CIT: variants seen among roughly 807,000 people sequenced by gnomAD.
The protein encoded by CIT is citron rho-interacting serine/threonine kinase.
In CIT, 79 loss-of-function variants were observed where a neutral mutation model predicts 272.7. The observed-to-expected ratio is 0.29, with a 90% CI of 0.24 to 0.35. The LOEUF (loss-of-function observed/expected upper bound fraction) is 0.35, where lower values mean the gene tolerates loss of function less well. Ranked by LOEUF, CIT falls within the 10% of genes least tolerant of loss-of-function variation. The pLI is 1.00. For synonymous variants in CIT, 948 were observed against 995.6 expected (o/e 0.95, Z 0.90); for missense variants, 1,909 against 2,618.3 (o/e 0.73, Z 5.91).
chr12:119,739,858 T>G (rs972092226), intron 24 of CIT, among the ~76,000 whole-genome samples: 1 of 152,132 alleles, frequency 6.6e-6, no homozygotes, highest in African/African-American at 2.4e-5. Flanking sequence ...AACCAGCAGC[T>G]CTCTCTCTTC....
chr12:119,868,980 C>G lies in CIT; in HGVS notation c.238+80G>C. On this transcript the variant is annotated intron_variant, in intron 3 of 47. Coordinates refer to ENST00000392521, the MANE Select transcript of CIT (RefSeq NM_001206999.2). ...AGAGTTCTTACCGACTACTATCAAC[C>G]AGTAACTCATTCTGCCTCAAGCATC... 7.2e-6 allele frequency: 11 copies of G among 1,528,366 alleles called. No individual in the cohort carries two copies. In the South Asian group the frequency reaches 9.3e-5, roughly 13 times the overall value. The allele number at this position is 1,528,366 out of a possible 1,614,324, so 94.7% of individuals were successfully genotyped here. A position where few individuals can be genotyped will look rare whatever the true frequency, so the allele number is the denominator to read the frequency against.
intron 4 of CIT, among the ~76,000 whole-genome samples, chr12:119,853,935 C>T (rs1282042760): frequency 6.6e-6 from 1 of 152,004 alleles, no homozygotes; most frequent in Non-Finnish European, 1.5e-5. Context: ...GCCTGTAATC[C>T]CAACACTTTG....
intron 41 of CIT, among the ~76,000 whole-genome samples, chr12:119,703,749 A>G (rs1308858128): frequency 1.3e-5 from 2 of 152,104 alleles, no homozygotes; most frequent in Non-Finnish European, 2.9e-5. Context: ...GAGACTAATC[A>G]TGAAAGCACC....
intron 9 of CIT, among the ~76,000 whole-genome samples, chr12:119,806,747 C>T (rs1966635844): frequency 6.6e-6 from 1 of 151,818 alleles, no homozygotes; most frequent in Non-Finnish European, 1.5e-5. Context: ...ATTAGCCCTC[C>T]AAAAACTGCA....
At chr12:119,704,041 C>T (rs1254105333) in intron 41 of CIT, among the ~76,000 whole-genome samples, 1 of 152,132 alleles carries the variant, frequency 6.6e-6, no homozygotes, top group African/African-American at 2.4e-5. Context: ...GAAAGAGCCC[C>T]CCCTTTTTTT....
At chr12:119,803,063 A>G (rs986665889) in intron 10 of CIT, 143 bp downstream of exon 10, 5 of 577,792 alleles carry the variant, frequency 8.7e-6, no homozygotes, top group Admixed American at 7.2e-5. Flanking sequence ...CCTAACAGGT[A>G]GACTGCTTTC....
At chr12:119,825,141 C>T (rs766226739) in intron 8 of CIT, 24 bp downstream of exon 8, 7 of 1,595,886 alleles carry the variant, frequency 4.4e-6, no homozygotes, top group East Asian at 2.2e-5. Context: ...AATGTGACTT[C>T]GAAATCTTCT....
rs372155988 is a variant in CIT at position 119,697,195 on chromosome 12, C to T, written c.5882+464G>A. Among the ~76,000 whole-genome samples the T allele has an allele frequency of 5.3e-5, 8 of 152,070 alleles. No individual in the cohort carries two copies. The East Asian group carries it at 5.8e-4, about 11-fold the overall frequency. ...GATGGGAAATCCTCCCTCACCTCCA[C>T]GTCCAGGCTTTCAACCACCCCACCA... is the stretch of plus-strand genomic sequence containing the variant. On this transcript the variant is annotated intron_variant, in intron 46 of 47. Coordinates refer to ENST00000392521, the MANE Select transcript of CIT (RefSeq NM_001206999.2). This position sits in a 1 kb window ranked among gnomAD's most constrained non-coding sequence, Gnocchi z 4.9.
Position 119,688,065 on chromosome 12 carries a change from C to T in CIT, c.*167G>A. 1 of 705,392 alleles carries T rather than the reference C, an allele frequency of 1.4e-6. No homozygotes were observed. The allele number at this position is 705,392 out of a possible 1,614,324, so 43.7% of individuals were successfully genotyped here. On this transcript the variant is annotated 3_prime_UTR_variant, in exon 48 of 48. Transcript: ENST00000392521. ...GACAGCTCCGAAGAGCCTCAGCCAC[C>T]TGCCCCTCCTGGAGACAGGGGTGTC... is the stretch of plus-strand genomic sequence containing the variant.
intron 1 of CIT, among the ~76,000 whole-genome samples, chr12:119,876,603 T>A (rs1302824863): frequency 6.6e-6 from 1 of 151,918 alleles, no homozygotes; most frequent in Non-Finnish European, 1.5e-5. Context: ...AAAAGGACAA[T>A]GGGGGTGAGA....
At chr12:119,782,797 T>C in intron 12 of CIT, 160 bp from the exon 13 acceptor site, 1 of 776,962 alleles carries the variant, frequency 1.3e-6, no homozygotes, top group Non-Finnish European at 2.0e-6. Flanking sequence ...CCGGTTTCCA[T>C]CCTGTAAAAC....
rs199952237 is a variant in CIT at position 119,706,602 on chromosome 12, T to TG, written c.5211+1576dup. ...TGGCCTACAGCTCCATCCATGTTCC[T>TG]GCAAAGGACATGATCTCATTCTTTT... On this transcript the variant is annotated intron_variant, in intron 40 of 47. Transcript: ENST00000392521. 7.9e-3 allele frequency among the ~76,000 whole-genome samples: 1,198 copies of TG among 152,362 alleles called. 17 individuals are homozygous for TG. The highest frequency in any genetic ancestry group is 0.027 in the African/African-American group (1,138 of 41,580).
In CIT at chr12:119,803,242, GA is replaced by G; in HGVS notation, c.1258del (p.Ser420ArgfsTer53). On this transcript the variant is annotated frameshift_variant, in exon 10 of 48. Coordinates refer to ENST00000392521, the MANE Select transcript of CIT (RefSeq NM_001206999.2). LOFTEE classifies it high-confidence loss of function. Reference protein sequence around the residue: ...SGEELPFVGFSYSKALGILGR... With the variant: ...SGEELPFVGFXYSKALGILGR... Reference sequence around the variant, plus strand: ...AAGAATCCCCAGTGCCTTGCTGTACGAAAACCCCACAAACGGCAGTTCTTCA... The same window carrying G: ...AAGAATCCCCAGTGCCTTGCTGTACGAAACCCCACAAACGGCAGTTCTTCA... The G allele has an allele frequency of 6.3e-7, 1 of 1,597,294 alleles. No homozygotes were observed. The highest frequency in any genetic ancestry group is 8.5e-7 in the Non-Finnish European group (1 of 1,173,836).
chr12:119,692,426 G>C (rs553833911), intron 46 of CIT, among the ~76,000 whole-genome samples: 5 of 152,320 alleles, frequency 3.3e-5, no homozygotes, highest in African/African-American at 9.6e-5. Context: ...TGGTCTAACT[G>C]TATCAGAACC....
intron 5 of CIT, among the ~76,000 whole-genome samples, chr12:119,837,391 A>G (rs1427407045): frequency 1.3e-5 from 2 of 152,228 alleles, no homozygotes; most frequent in African/African-American, 4.8e-5. Context: ...AAGACCCAGG[A>G]CTTGAGTGCT....
chr12:119,706,236 A>C (rs1323092893), intron 40 of CIT, among the ~76,000 whole-genome samples: 2 of 152,188 alleles, frequency 1.3e-5, no homozygotes, highest in Admixed American at 1.3e-4. Flanking sequence ...AGACTTAATT[A>C]AAGTTATACA....
At chr12:119,841,084 C>T (rs1483250409) in intron 5 of CIT, among the ~76,000 whole-genome samples, 1 of 152,128 alleles carries the variant, frequency 6.6e-6, no homozygotes, top group Middle Eastern at 3.2e-3. Context: ...AAGTATAATG[C>T]CTTGAGTAAG....
chr12:119,868,489 C>T lies in CIT; in HGVS notation c.238+571G>A, dbSNP rs559458991. On this transcript the variant is annotated intron_variant, in intron 3 of 47. Transcript: ENST00000392521. ...TTGAGGTCTCTGGAACTAGCTATGC[C>T]TAAAGCTAAAACTTAACTCATTCCT... 1.1e-4 allele frequency among the ~76,000 whole-genome samples: 16 copies of T among 152,254 alleles called. No homozygotes were observed. In the South Asian group the frequency reaches 2.5e-3, roughly 24 times the overall value.
intron 32 of CIT, among the ~76,000 whole-genome samples, chr12:119,716,874 A>G (rs1957517788): frequency 1.3e-5 from 2 of 152,192 alleles, no homozygotes; most frequent in African/African-American, 2.4e-5. Context: ...TAACAGGTGA[A>G]TTGCATGCTC....
Sources: gnomAD v4.1 joint callset for allele counts (sites outside exome capture counted in the v4.1 genomes callset) on GRCh38, gnomAD v4.1.1 for gene constraint, Gnocchi (gnomAD v3.1) non-coding constraint, MANE v1.5 for transcripts, NCBI Gene and HGNC (gene_info 2026-07-23, HGNC 2026-07-21) for gene names.